KHDRBS2: variants seen among roughly 807,000 people sequenced by gnomAD.
KHDRBS2 encodes the protein KH domain-containing, RNA-binding, signal transduction-associated protein 2.
In KHDRBS2, 26 loss-of-function variants were observed where a neutral mutation model predicts 44.3. The observed-to-expected ratio is 0.59, with a 90% CI of 0.43 to 0.81. KHDRBS2 has a LOEUF of 0.81. Among genes scored for constraint, KHDRBS2 ranks in the 40% least tolerant of loss-of-function variants. The pLI is 0.00. For missense variants in KHDRBS2, 476 were observed against 433.1 expected (o/e 1.10, Z -0.88); for synonymous variants, 194 against 151.1 (o/e 1.28, Z -2.08).
intron 1 of KHDRBS2, among the ~76,000 whole-genome samples, chr6:62,190,266 G>A (rs958559854): frequency 1.3e-5 from 2 of 152,126 alleles, no homozygotes; most frequent in Non-Finnish European, 1.5e-5. Context: ...CATTGGCAAG[G>A]TGAAAGATGC....
intron 2 of KHDRBS2, among the ~76,000 whole-genome samples, chr6:62,126,034 A>T (rs1584853176): frequency 6.6e-6 from 1 of 152,016 alleles, no homozygotes; most frequent in South Asian, 2.1e-4. Context: ...AGCATTAAGC[A>T]GTCTCTTGGG....
intron 6 of KHDRBS2, among the ~76,000 whole-genome samples, chr6:61,776,509 T>C (rs1421604638): frequency 6.6e-6 from 1 of 152,178 alleles, no homozygotes; most frequent in African/African-American, 2.4e-5. Context: ...AAAGAAGACA[T>C]TTATGCAGCA....
Position 61,894,655 on chromosome 6 carries a change from G to A in KHDRBS2, c.790C>T (p.His264Tyr), listed in dbSNP as rs1483289887. 1 of 1,611,452 alleles carries A rather than the reference G, an allele frequency of 6.2e-7. No individual in the cohort carries two copies. The highest frequency in any genetic ancestry group is 1.1e-5 in the South Asian group (1 of 90,690). ...PGYRAPPPPAHEAYEEYGYDD... is the reference protein window; with the variant it reads ...PGYRAPPPPAYEAYEEYGYDD... ...CTTACATATTCTTCATAAGCTTCATGGGCTGGAGGAGGAGGTGCCCTGTAT... is the reference window on the plus strand; with the variant it reads ...CTTACATATTCTTCATAAGCTTCATAGGCTGGAGGAGGAGGTGCCCTGTAT... The change falls in exon 6 of 9, where the codon CAT becomes TAT. Residue 264 changes from histidine to tyrosine, a missense_variant. Coordinates refer to ENST00000281156, the MANE Select transcript of KHDRBS2 (RefSeq NM_152688.4).
intron 3 of KHDRBS2, among the ~76,000 whole-genome samples, chr6:62,014,300 T>C (rs909275570): frequency 1.3e-5 from 2 of 152,176 alleles, no homozygotes; most frequent in African/African-American, 4.8e-5. Context: ...TTCTCATAAA[T>C]AAAGGATAAA....
chr6:62,262,819 T>C (rs1297219746), intron 1 of KHDRBS2, among the ~76,000 whole-genome samples: 1 of 151,694 alleles, frequency 6.6e-6, no homozygotes, highest in Non-Finnish European at 1.5e-5. Flanking sequence ...TACATTATTG[T>C]CAAAAATAAA....
At chr6:61,569,993 T>G in the KHDRBS2 span, among the ~76,000 whole-genome samples, 1 of 152,062 alleles carries the variant, frequency 6.6e-6, no homozygotes, top group East Asian at 1.9e-4. Flanking sequence ...AGAAAAGTAA[T>G]TCTGGTATTA....
At chr6:61,985,487 A>G (rs1328624804) in intron 3 of KHDRBS2, among the ~76,000 whole-genome samples, 1 of 152,160 alleles carries the variant, frequency 6.6e-6, no homozygotes, top group Non-Finnish European at 1.5e-5. Context: ...TGTGGCTCCC[A>G]GTTACTTCGT....
intron 6 of KHDRBS2, among the ~76,000 whole-genome samples, chr6:61,780,737 C>T (rs1168672308): frequency 6.6e-6 from 1 of 152,086 alleles, no homozygotes; most frequent in African/African-American, 2.4e-5. Flanking sequence ...CTTTCTGAAA[C>T]CTAGATTGTA....
At position 61,894,765 on chromosome 6, in the gene KHDRBS2, G is replaced by A. The variant is rs1802612846; in HGVS notation, c.680C>T (p.Thr227Ile). The A allele has an allele frequency of 2.5e-6, 4 of 1,613,618 alleles. No individual in the cohort carries two copies. The highest frequency in any genetic ancestry group is 3.4e-6 in the Non-Finnish European group (4 of 1,179,824). ...GRGVLTPRGS[T>I]VTRGALPVPP... is the part of the protein sequence containing the mutation. Reference sequence around the variant, plus strand: ...CACTGGAAGCGCTCCACGGGTTACAGTGCTTCCCCGAGGGGTGAGAACACC... The same window carrying A: ...CACTGGAAGCGCTCCACGGGTTACAATGCTTCCCCGAGGGGTGAGAACACC... Residue 227 changes from threonine (T) to isoleucine (I), a missense_variant, in exon 6 of 9, where the codon ACT becomes ATT. Thr to Ile is a moderately conservative substitution (Grantham distance 89, BLOSUM62 -1). Coordinates refer to ENST00000281156, the MANE Select transcript of KHDRBS2 (RefSeq NM_152688.4).
At chr6:61,991,205 C>A (rs1181684024) in intron 3 of KHDRBS2, among the ~76,000 whole-genome samples, 1 of 152,084 alleles carries the variant, frequency 6.6e-6, no homozygotes, top group Non-Finnish European at 1.5e-5. Context: ...ACAGAAAAAG[C>A]CTATTTCTAA....
chr6:61,545,701 C>T, the KHDRBS2 span, among the ~76,000 whole-genome samples: 1 of 152,002 alleles, frequency 6.6e-6, no homozygotes, highest in Non-Finnish European at 1.5e-5. Flanking sequence ...TCCCCCACCC[C>T]AAAATTTACT....
intron 3 of KHDRBS2, among the ~76,000 whole-genome samples, chr6:61,980,170 A>G (rs1168646147): frequency 6.6e-6 from 1 of 152,200 alleles, no homozygotes; most frequent in South Asian, 2.1e-4. Context: ...AGTGTATCCA[A>G]TAATTTTATA....
intron 4 of KHDRBS2, among the ~76,000 whole-genome samples, chr6:61,918,448 A>AGG (rs1807429719): frequency 6.6e-6 from 1 of 151,880 alleles, no homozygotes; most frequent in Non-Finnish European, 1.5e-5. Flanking sequence ...GTTGTTAGGA[A>AGG]GGGGACCCTC....
chr6:62,041,653 T>C (rs1786552090), intron 3 of KHDRBS2, among the ~76,000 whole-genome samples: 1 of 152,094 alleles, frequency 6.6e-6, no homozygotes, highest in Admixed American at 6.6e-5. Context: ...ATGTTTTCTG[T>C]ATATAAAACT....
chr6:61,768,621 G>A (rs1215286371), intron 6 of KHDRBS2, among the ~76,000 whole-genome samples: 1 of 151,624 alleles, frequency 6.6e-6, no homozygotes, highest in Non-Finnish European at 1.5e-5. Flanking sequence ...TCTTTCTTCT[G>A]CTTGGTCAGT....
intron 2 of KHDRBS2, among the ~76,000 whole-genome samples, chr6:62,050,718 T>C (rs146692430): frequency 6.2e-4 from 94 of 152,112 alleles, no homozygotes; most frequent in African/African-American, 2.2e-3. Flanking sequence ...TACAGTAGTA[T>C]CATTTTAAGA....
chr6:61,885,355 G>A (rs546256514), intron 6 of KHDRBS2, among the ~76,000 whole-genome samples: 12 of 152,178 alleles, frequency 7.9e-5, no homozygotes, highest in Admixed American at 2.0e-4. Flanking sequence ...GGAAACTTCC[G>A]TCAAGTCTCT....
At chr6:61,720,025 G>A (rs1461326825) in intron 7 of KHDRBS2, among the ~76,000 whole-genome samples, 11 of 151,824 alleles carry the variant, frequency 7.2e-5, no homozygotes, top group African/African-American at 2.4e-4. Flanking sequence ...GAGAATATGC[G>A]GTGTTTGGTT....
At position 61,848,558 on chromosome 6, in the gene KHDRBS2, TATATGTATATATATATAC is replaced by T. The variant is rs1562295180; in HGVS notation, c.810+46059_810+46076del. Among the ~76,000 whole-genome samples, 192 of 37,304 alleles carry T rather than the reference TATATGTATATATATATAC, an allele frequency of 5.1e-3. 17 individuals are homozygous for T. Among genetic ancestry groups the T allele is most frequent in the African/African-American group, 0.02 (174 of 8,540 alleles). The allele number at this position is 37,304 out of a possible 152,430, so 24.5% of individuals were successfully genotyped here. The stretch of plus-strand genomic sequence containing the variant: ...ATATATATGTATATATATACATATA[TATATGTATATATATATAC>T]ATATATATATATATATACTTTTTTT... On this transcript the variant is annotated intron_variant, in intron 6 of 8. Transcript: ENST00000281156.
Sources: allele counts gnomAD v4.1 joint callset (sites outside exome capture counted in the v4.1 genomes callset), GRCh38; gene constraint gnomAD v4.1.1; transcripts MANE v1.5; gene names NCBI Gene and HGNC (gene_info 2026-07-23, HGNC 2026-07-21).